The following CDKAL1 variants were observed in gnomAD, a reference collection of about 807,000 sequenced individuals.
The protein encoded by CDKAL1 is CDKAL1 threonylcarbamoyladenosine tRNA methylthiotransferase.
CDKAL1 carries 32 observed loss-of-function variants against 68.2 expected under a neutral mutation model. That is an observed-to-expected ratio of 0.47 (90% CI 0.35 to 0.63). The LOEUF is 0.63. Ranked by LOEUF, CDKAL1 falls within the 30% of genes least tolerant of loss-of-function variation. The pLI is 0.00. For synonymous variants in CDKAL1, 234 were observed against 244.3 expected, an observed-to-expected ratio of 0.96 and a Z score of 0.39; for missense variants, 606 against 696.7, an observed-to-expected ratio of 0.87 and a Z score of 1.47.
chr6:20,745,392 G>A (rs1211210964), intron 6 of CDKAL1, among the ~76,000 whole-genome samples: 2 of 152,110 alleles, frequency 1.3e-5, no homozygotes, highest in Non-Finnish European at 1.5e-5. Context: ...AAGGCTTGAG[G>A]AACGCTCTCC....
intron 8 of CDKAL1, among the ~76,000 whole-genome samples, chr6:20,781,467 T>C (rs1010221374): frequency 6.6e-6 from 1 of 152,242 alleles, no homozygotes; most frequent in Non-Finnish European, 1.5e-5. Flanking sequence ...TTTATAACTT[T>C]AATATTATTC....
At chr6:20,928,317 A>G (rs1763273589) in intron 9 of CDKAL1, among the ~76,000 whole-genome samples, 2 of 152,236 alleles carry the variant, frequency 1.3e-5, no homozygotes, top group African/African-American at 4.8e-5. Flanking sequence ...CTAGTTTTCT[A>G]GTGGTAAAAA....
At chr6:20,536,506 A>G (rs1460459732) in intron 2 of CDKAL1, among the ~76,000 whole-genome samples, 5 of 152,046 alleles carry the variant, frequency 3.3e-5, no homozygotes, top group African/African-American at 9.7e-5. Flanking sequence ...AAAAAAAACT[A>G]CGCTTTCCCC....
chr6:20,775,551 T>C (rs1306582470), intron 7 of CDKAL1, among the ~76,000 whole-genome samples: 1 of 152,222 alleles, frequency 6.6e-6, no homozygotes, highest in Non-Finnish European at 1.5e-5. Context: ...CAGGACAAAT[T>C]TGCTCCAAAA....
At chr6:21,026,894 C>T (rs1347424253) in intron 11 of CDKAL1, among the ~76,000 whole-genome samples, 1 of 152,126 alleles carries the variant, frequency 6.6e-6, no homozygotes, top group East Asian at 1.9e-4. Flanking sequence ...GCTCAGAAAC[C>T]TCTCAATGAG....
At chr6:20,670,613 ATT>A (rs1769767266) in intron 5 of CDKAL1, among the ~76,000 whole-genome samples, 1 of 152,124 alleles carries the variant, frequency 6.6e-6, no homozygotes, top group South Asian at 2.1e-4. Context: ...GTTAATTGGA[ATT>A]TCACTGTAAG....
intron 4 of CDKAL1, among the ~76,000 whole-genome samples, chr6:20,586,400 G>A (rs1765356769): frequency 6.6e-6 from 1 of 152,206 alleles, no homozygotes; most frequent in Non-Finnish European, 1.5e-5. Flanking sequence ...CACTTTGGGA[G>A]GCCAAGGTGG....
intron 4 of CDKAL1, among the ~76,000 whole-genome samples, chr6:20,598,156 G>A (rs558979609): frequency 6.6e-6 from 1 of 152,252 alleles, no homozygotes; most frequent in African/African-American, 2.4e-5. Flanking sequence ...TGGGAGCCAC[G>A]GAAAGCTGTA....
rs544724675 is a variant in CDKAL1, at chr6:20,550,842, A to G, written c.286+2137A>G. On this transcript the variant is annotated intron_variant, in intron 4 of 15. Coordinates refer to ENST00000274695, the MANE Select transcript of CDKAL1 (RefSeq NM_017774.3). The stretch of plus-strand genomic sequence containing the variant: ...TATTGGCACCCCTACTTTACAGTTG[A>G]GAAAGGAGAGGTTGTGTCTTTTTTT... Among the ~76,000 whole-genome samples the G allele has an allele frequency of 4.2e-5, 6 of 144,306 alleles. No homozygotes were observed. The East Asian group carries it at 1.3e-3, about 31-fold the overall frequency. 94.7% of individuals were successfully genotyped at this position (144,306 alleles called of 152,430 possible).
intron 8 of CDKAL1, among the ~76,000 whole-genome samples, chr6:20,794,899 G>A (rs1261216153): frequency 6.6e-6 from 1 of 152,082 alleles, no homozygotes; most frequent in East Asian, 1.9e-4. Context: ...ATGTTAGTTT[G>A]TATTGAAATA....
chr6:20,856,857 A>G (rs1759362755), intron 9 of CDKAL1, among the ~76,000 whole-genome samples: 2 of 152,282 alleles, frequency 1.3e-5, no homozygotes, highest in Admixed American at 1.3e-4. Context: ...CCTTTGTGAG[A>G]TATTTTCTGG....
intron 7 of CDKAL1, among the ~76,000 whole-genome samples, chr6:20,763,753 A>G (rs568719083): frequency 3.9e-5 from 6 of 152,336 alleles, no homozygotes; most frequent in African/African-American, 1.2e-4. Context: ...ACTCTATTGT[A>G]ATTAACATAA....
chr6:20,969,848 C>T (rs1765501805), intron 10 of CDKAL1, among the ~76,000 whole-genome samples: 1 of 152,116 alleles, frequency 6.6e-6, no homozygotes, highest in South Asian at 2.1e-4. Flanking sequence ...CCTAAACACA[C>T]ACCCAGCCCT....
intron 12 of CDKAL1, among the ~76,000 whole-genome samples, chr6:21,075,203 T>A (rs1296851250): frequency 6.6e-6 from 1 of 152,194 alleles, no homozygotes; most frequent in Non-Finnish European, 1.5e-5. Flanking sequence ...TTTTCTGAGA[T>A]ACGTTTTATT....
intron 12 of CDKAL1, among the ~76,000 whole-genome samples, chr6:21,069,439 T>C (rs190773019): frequency 2.6e-5 from 4 of 152,304 alleles, no homozygotes; most frequent in Admixed American, 2.6e-4. Context: ...TCTGTTAATA[T>C]TATAACCTAC....
At chr6:21,058,933 T>G (rs1770988005) in intron 11 of CDKAL1, among the ~76,000 whole-genome samples, 1 of 152,206 alleles carries the variant, frequency 6.6e-6, no homozygotes, top group Non-Finnish European at 1.5e-5. Flanking sequence ...TGGCTGCCCC[T>G]TGGTGGAGCG....
intron 11 of CDKAL1, among the ~76,000 whole-genome samples, chr6:21,002,169 A>C (rs1363274447): frequency 6.6e-6 from 1 of 152,176 alleles, no homozygotes; most frequent in Non-Finnish European, 1.5e-5. Flanking sequence ...AAAGATGATC[A>C]TGTCAGGTAT....
chr6:20,620,170 G>A (rs1182706762), intron 4 of CDKAL1, among the ~76,000 whole-genome samples: 1 of 152,180 alleles, frequency 6.6e-6, no homozygotes, highest in African/African-American at 2.4e-5. Flanking sequence ...CATATACAGA[G>A]CCATAGCTTA....
chr6:20,887,266 G>A (rs1477119785), intron 9 of CDKAL1, among the ~76,000 whole-genome samples: 4 of 152,156 alleles, frequency 2.6e-5, no homozygotes, highest in African/African-American at 9.7e-5. Context: ...ATGTCTGGCA[G>A]TTTCTTATTG....
Sources: gnomAD v4.1 joint callset for allele counts (sites outside exome capture counted in the v4.1 genomes callset) on GRCh38, gnomAD v4.1.1 for gene constraint, MANE v1.5 for transcripts, NCBI Gene and HGNC (gene_info 2026-07-23, HGNC 2026-07-21) for gene names.